The following KHDRBS2 variants were observed in gnomAD, a reference collection of about 807,000 sequenced individuals.
KHDRBS2 encodes KH domain-containing, RNA-binding, signal transduction-associated protein 2.
Under a neutral mutation model 44.3 loss-of-function variants are expected in KHDRBS2, and 26 were observed. The observed-to-expected ratio is 0.59, with a 90% confidence interval of 0.43 to 0.81. The LOEUF (loss-of-function observed/expected upper bound fraction) is 0.81, where lower values mean the gene tolerates loss of function less well. Ranked by LOEUF, KHDRBS2 falls within the 40% of genes least tolerant of loss-of-function variation. The pLI, the probability that KHDRBS2 is intolerant of heterozygous loss-of-function variation, is 0.00. For missense variants in KHDRBS2, 476 were observed against 433.1 expected, an observed-to-expected ratio of 1.10 and a Z score of -0.88; for synonymous variants, 194 against 151.1, an observed-to-expected ratio of 1.28 and a Z score of -2.08.
chr6:61,574,430 G>A, the KHDRBS2 span: 7 of 1,488,230 alleles, frequency 4.7e-6, 1 homozygote, highest in South Asian at 8.6e-5. Flanking sequence ...ACCATATGGA[G>A]CTTCAATTTA....
At chr6:62,155,543 C>G (rs1816167745) in intron 2 of KHDRBS2, among the ~76,000 whole-genome samples, 1 of 152,184 alleles carries the variant, frequency 6.6e-6, no homozygotes, top group African/African-American at 2.4e-5. Flanking sequence ...AGGTCAAGAT[C>G]TATGCATATG....
At chr6:61,786,204 G>GAA (rs1400899273) in intron 6 of KHDRBS2, among the ~76,000 whole-genome samples, 2 of 151,866 alleles carry the variant, frequency 1.3e-5, no homozygotes, top group Non-Finnish European at 2.9e-5. Context: ...GAGAGAGAGA[G>GAA]AACAGAGGAA....
At chr6:61,766,486 T>A (rs563254369) in intron 6 of KHDRBS2, among the ~76,000 whole-genome samples, 1 of 152,166 alleles carries the variant, frequency 6.6e-6, no homozygotes, top group South Asian at 2.1e-4. Context: ...CTGATCTTTA[T>A]TATTTCTTCT....
intron 6 of KHDRBS2, among the ~76,000 whole-genome samples, chr6:61,767,324 C>A (rs375835746): frequency 9.9e-5 from 15 of 151,832 alleles, no homozygotes; most frequent in African/African-American, 3.6e-4. Flanking sequence ...TTTTCTATCC[C>A]TTTATTTTCA....
At chr6:62,184,859 A>G (rs1050534400) in intron 1 of KHDRBS2, among the ~76,000 whole-genome samples, 1 of 151,820 alleles carries the variant, frequency 6.6e-6, no homozygotes, top group Non-Finnish European at 1.5e-5. Flanking sequence ...CCTCAAATTC[A>G]CCTCAGAAAT....
At chr6:61,716,058 C>A (rs961614644) in intron 7 of KHDRBS2, among the ~76,000 whole-genome samples, 1 of 151,814 alleles carries the variant, frequency 6.6e-6, no homozygotes, top group African/African-American at 2.4e-5. Flanking sequence ...TTGAATCTGG[C>A]TGGACTTGTG....
intron 3 of KHDRBS2, among the ~76,000 whole-genome samples, chr6:62,024,556 T>C (rs1782949873): frequency 6.6e-6 from 1 of 151,576 alleles, no homozygotes; most frequent in Non-Finnish European, 1.5e-5. Flanking sequence ...AAGCAAAATA[T>C]TGTGATAGTA....
intron 1 of KHDRBS2, among the ~76,000 whole-genome samples, chr6:62,197,975 T>C (rs191876912): frequency 5.8e-4 from 88 of 152,220 alleles, no homozygotes; most frequent in African/African-American, 1.7e-3. Flanking sequence ...AACAACCTGC[T>C]CCTGAATGAC....
intron 4 of KHDRBS2, among the ~76,000 whole-genome samples, chr6:61,960,193 G>T (rs1768335903): frequency 1.3e-5 from 2 of 151,826 alleles, no homozygotes; most frequent in Non-Finnish European, 2.9e-5. Flanking sequence ...GAGCTAATCT[G>T]CACCATACAA....
chr6:61,833,628 T>C (rs1187165137), intron 6 of KHDRBS2, among the ~76,000 whole-genome samples: 1 of 150,410 alleles, frequency 6.6e-6, no homozygotes, highest in South Asian at 2.1e-4. Context: ...TTCTCCATCA[T>C]TCATCATTCG....
chr6:61,869,172 C>A lies in KHDRBS2; in HGVS notation c.810+25463G>T, dbSNP rs1798233156. 3.3e-5 allele frequency among the ~76,000 whole-genome samples: 5 copies of A among 152,134 alleles called. No individual in the cohort carries two copies. In the South Asian group the frequency reaches 1.0e-3, roughly 31 times the overall value. On this transcript the variant is annotated intron_variant, in intron 6 of 8. Transcript: ENST00000281156. The stretch of plus-strand genomic sequence containing the variant: ...CCATGGGTCAAGTTGTTTTCCTGAT[C>A]AATCTCAGTGTGAGTATCTGGGCAT...
At chr6:61,713,164 A>C (rs1770813010) in intron 7 of KHDRBS2, among the ~76,000 whole-genome samples, 6 of 151,650 alleles carry the variant, frequency 4.0e-5, no homozygotes. Context: ...AAAATTCTGA[A>C]TATGAAACAT....
chr6:62,159,606 A>C (rs1450883052), intron 2 of KHDRBS2, among the ~76,000 whole-genome samples: 1 of 152,160 alleles, frequency 6.6e-6, no homozygotes, highest in African/African-American at 2.4e-5. Context: ...TCTACTCCTC[A>C]CAAAGTTGAA....
chr6:61,647,039 G>A, the KHDRBS2 span, among the ~76,000 whole-genome samples: 2 of 151,982 alleles, frequency 1.3e-5, no homozygotes, highest in East Asian at 1.9e-4. Flanking sequence ...GAGTGGTCTT[G>A]AACTCCTGAC....
chr6:61,588,450 G>A, the KHDRBS2 span, among the ~76,000 whole-genome samples: 3 of 152,162 alleles, frequency 2.0e-5, no homozygotes, highest in Admixed American at 6.5e-5. Flanking sequence ...ATGTGAGAGT[G>A]ATACTTTGTG....
intron 3 of KHDRBS2, among the ~76,000 whole-genome samples, chr6:62,014,842 A>G (rs972161293): frequency 1.3e-5 from 2 of 152,164 alleles, no homozygotes; most frequent in African/African-American, 4.8e-5. Flanking sequence ...GATAAATTAC[A>G]TTACATAAGA....
intron 6 of KHDRBS2, among the ~76,000 whole-genome samples, chr6:61,802,281 G>A (rs1258727174): frequency 1.3e-5 from 2 of 152,124 alleles, no homozygotes; most frequent in African/African-American, 4.8e-5. Flanking sequence ...CTGACTTACA[G>A]AAATGTGTGA....
At chr6:61,571,300 G>T in the KHDRBS2 span, among the ~76,000 whole-genome samples, 5 of 152,014 alleles carry the variant, frequency 3.3e-5, no homozygotes, top group Admixed American at 3.3e-4. Context: ...AGACTTTACA[G>T]CAACAACTGT....
At chr6:61,669,267 C>A in the KHDRBS2 span, among the ~76,000 whole-genome samples, 4 of 150,824 alleles carry the variant, frequency 2.7e-5, no homozygotes, top group Admixed American at 6.6e-5. Context: ...TTTAAAATGT[C>A]TTTTTCTTCA....
Sources: allele counts gnomAD v4.1 joint callset (sites outside exome capture counted in the v4.1 genomes callset), GRCh38; gene constraint gnomAD v4.1.1; transcripts MANE v1.5; gene names NCBI Gene and HGNC (gene_info 2026-07-23, HGNC 2026-07-21).